Variants in KCNK10 observed in about 807,000 individuals in gnomAD.
KCNK10 encodes the protein potassium two pore domain channel subfamily K member 10.
Under a neutral mutation model 47.7 loss-of-function variants are expected in KCNK10, and 25 were observed. The ratio of observed to expected loss-of-function variants is 0.52; its 90% CI spans 0.38 to 0.73. The LOEUF (loss-of-function observed/expected upper bound fraction) is 0.73, where lower values mean the gene tolerates loss of function less well. Among genes scored for constraint, KCNK10 ranks in the 30% least tolerant of loss-of-function variants. The pLI is 0.00. For synonymous variants in KCNK10, 303 were observed against 285.6 expected (o/e 1.06, Z -0.61); for missense variants, 563 against 714.5 (o/e 0.79, Z 2.42).
At chr14:88,259,922 T>C (rs1403712788) in intron 2 of KCNK10, among the ~76,000 whole-genome samples, 3 of 152,182 alleles carry the variant, frequency 2.0e-5, no homozygotes, top group African/African-American at 7.2e-5. Flanking sequence ...TGAGTTCTCA[T>C]GAAATCTGTT....
intron 4 of KCNK10, among the ~76,000 whole-genome samples, chr14:88,202,741 A>G (rs1444354605): frequency 6.7e-6 from 1 of 148,984 alleles, no homozygotes; most frequent in Non-Finnish European, 1.5e-5. Flanking sequence ...CTCAGCCTGG[A>G]GCAAAAGTAC....
At chr14:88,205,542 C>CTTTTTTT (rs200265659) in intron 4 of KCNK10, among the ~76,000 whole-genome samples, 97 of 115,754 alleles carry the variant, frequency 8.4e-4, no homozygotes, top group African/African-American at 1.7e-3. Flanking sequence ...CTTTTCTTTT[C>CTTTTTTT]TTTTTTTTTT....
At chr14:88,244,324 T>TA (rs777136414) in intron 2 of KCNK10, among the ~76,000 whole-genome samples, 4 of 152,336 alleles carry the variant, frequency 2.6e-5, no homozygotes, top group Non-Finnish European at 5.9e-5. Flanking sequence ...CAAATGATCT[T>TA]AATTGTTTGA....
At chr14:88,219,952 A>G (rs1200492717) in intron 4 of KCNK10, among the ~76,000 whole-genome samples, 1 of 152,086 alleles carries the variant, frequency 6.6e-6, no homozygotes, top group Non-Finnish European at 1.5e-5. Context: ...TTCCTTTCCT[A>G]TCCTCCCTTG....
chr14:88,292,908 G>A (rs1887911965), intron 1 of KCNK10, among the ~76,000 whole-genome samples: 1 of 152,192 alleles, frequency 6.6e-6, no homozygotes, highest in Non-Finnish European at 1.5e-5. Flanking sequence ...ACAGGAACAA[G>A]CCACCTCACC....
In KCNK10 at chr14:88,186,035, G is replaced by C. The variant is rs757458362; in HGVS notation, c.1132C>G (p.Arg378Gly). 3 of 1,613,446 alleles carry C rather than the reference G, an allele frequency of 1.9e-6. No individual in the cohort carries two copies. Among genetic ancestry groups the C allele is most frequent in the Non-Finnish European group, 2.5e-6 (3 of 1,179,980 alleles). The change falls in exon 7 of 7, where the codon CGC (arginine) becomes GGC (glycine). Residue 378 changes from arginine (R) to glycine (G), a missense_variant. Coordinates refer to ENST00000319231, the MANE Select transcript of KCNK10 (RefSeq NM_138317.3). This position sits in a 1 kb window ranked among gnomAD's most constrained non-coding sequence, Gnocchi z 5.5. ...HDKLQRAATI[R>G]SMERRRLGLD... is the part of the protein sequence containing the mutation. ...CCCAGCCGCCGGCGCTCCATGCTGCGGATGGTGGCCGCCCGCTGCAGCTTA... is the reference window on the plus strand; with the variant it reads ...CCCAGCCGCCGGCGCTCCATGCTGCCGATGGTGGCCGCCCGCTGCAGCTTA...
chr14:88,278,397 C>G (rs114327648), intron 1 of KCNK10, among the ~76,000 whole-genome samples: 1,716 of 152,294 alleles, frequency 0.011, 30 homozygotes, highest in African/African-American at 0.04. Flanking sequence ...CCACTGTGAA[C>G]ATATTTCCAT....
intron 2 of KCNK10, 99 bp from the exon 3 acceptor site, chr14:88,240,919 C>G: frequency 1.4e-6 from 1 of 698,350 alleles, no homozygotes; most frequent in South Asian, 1.7e-5. Flanking sequence ...TTCCCCTACT[C>G]AAGAACCTGC....
At chr14:88,192,844 T>C (rs1026807693) in intron 4 of KCNK10, among the ~76,000 whole-genome samples, 6 of 152,210 alleles carry the variant, frequency 3.9e-5, no homozygotes, top group African/African-American at 1.4e-4. Flanking sequence ...ATGGTGGTGA[T>C]GGATTTGCAC....
chr14:88,201,045 G>A (rs1885083962), intron 4 of KCNK10, among the ~76,000 whole-genome samples: 1 of 152,234 alleles, frequency 6.6e-6, no homozygotes, highest in Non-Finnish European at 1.5e-5. Flanking sequence ...CAGGGGATTA[G>A]TGATGGAGAG....
intron 3 of KCNK10, among the ~76,000 whole-genome samples, chr14:88,239,429 AT>A (rs1346705189): frequency 1.3e-5 from 2 of 152,242 alleles, no homozygotes; most frequent in African/African-American, 4.8e-5. Flanking sequence ...AAATTTAATC[AT>A]TTAAAAGATG....
chr14:88,302,429 G>C (rs116472252), intron 1 of KCNK10, among the ~76,000 whole-genome samples: 7,169 of 152,272 alleles, frequency 0.047, 184 homozygotes, highest in African/African-American at 0.077. Context: ...ACCCAGAGCG[G>C]CCAGGCGCGG....
intron 3 of KCNK10, among the ~76,000 whole-genome samples, chr14:88,230,117 T>C (rs1015562948): frequency 6.6e-5 from 10 of 152,062 alleles, no homozygotes; most frequent in African/African-American, 2.2e-4. Context: ...AAAGCAAGAG[T>C]TACATGTGAA....
chr14:88,326,395 A>G (rs752866277), upstream of KCNK10: 4 of 1,608,174 alleles, frequency 2.5e-6, no homozygotes, highest in Admixed American at 1.7e-5. Context: ...CCCTTTGGTT[A>G]TTTACAAGCT....
chr14:88,275,902 G>A (rs1399753340), intron 1 of KCNK10, among the ~76,000 whole-genome samples: 3 of 151,814 alleles, frequency 2.0e-5, no homozygotes, highest in East Asian at 1.9e-4. Flanking sequence ...AATAGGCTCC[G>A]GTAGACCAAG....
At chr14:88,263,698 G>T in intron 1 of KCNK10, 147 bp from the exon 2 acceptor site, 1 of 723,632 alleles carries the variant, frequency 1.4e-6, no homozygotes, top group Admixed American at 3.0e-5. Context: ...TGCAGTTAGG[G>T]AATTTGATCA....
At position 88,183,545 on chromosome 14, in the gene KCNK10, T is replaced by A. The variant is rs187384524; in HGVS notation, c.*1990A>T. 2.2e-4 allele frequency: 34 copies of A among 152,470 alleles called. No individual in the cohort carries two copies. In the East Asian group the frequency reaches 5.3e-3, roughly 24 times the overall value. The allele number at this position is 152,470 out of a possible 1,614,324, so 9.4% of individuals were successfully genotyped here. Reference sequence around the variant, plus strand: ...ATGATTCCCATAGTAAAACTCAACATCCACACCTGCATAAACATCGCCTCC... The same window carrying A: ...ATGATTCCCATAGTAAAACTCAACAACCACACCTGCATAAACATCGCCTCC... On this transcript the variant is annotated 3_prime_UTR_variant, in exon 7 of 7. Coordinates refer to ENST00000319231, the MANE Select transcript of KCNK10 (RefSeq NM_138317.3).
At chr14:88,226,408 G>C (rs1885989128) in intron 4 of KCNK10, among the ~76,000 whole-genome samples, 1 of 152,184 alleles carries the variant, frequency 6.6e-6, no homozygotes, top group Admixed American at 6.5e-5. Flanking sequence ...GGGGAAAAAA[G>C]CACAGCTTTA....
At chr14:88,287,502 A>G (rs551401280) in intron 1 of KCNK10, among the ~76,000 whole-genome samples, 5 of 152,250 alleles carry the variant, frequency 3.3e-5, no homozygotes, top group South Asian at 2.1e-4. Context: ...CCAAAGTCCA[A>G]TGAGGATGCC....
Sources: allele counts gnomAD v4.1 joint callset (sites outside exome capture counted in the v4.1 genomes callset), GRCh38; gene constraint gnomAD v4.1.1; non-coding constraint Gnocchi (gnomAD v3.1); transcripts MANE v1.5; gene names NCBI Gene and HGNC (gene_info 2026-07-23, HGNC 2026-07-21).